Variants in ZNF354C observed in about 807,000 individuals in gnomAD.
ZNF354C encodes zinc finger protein 354C.
ZNF354C carries 7 observed loss-of-function variants against 12.4 expected under a neutral mutation model. That is an observed-to-expected ratio of 0.56 (90% CI 0.32 to 1.06). The LOEUF is 1.06. Ranked by LOEUF, ZNF354C falls within the 50% of genes least tolerant of loss-of-function variation. The pLI is 0.04. For missense variants in ZNF354C, 609 were observed against 658.0 expected (o/e 0.93, Z 0.81); for synonymous variants, 202 against 224.5 (o/e 0.90, Z 0.90).
chr5:179,071,429 G>A (rs2113116325), intron 2 of ZNF354C, among the ~76,000 whole-genome samples: 1 of 145,862 alleles, frequency 6.9e-6, no homozygotes, highest in East Asian at 2.0e-4. Context: ...TGTGCTTCCA[G>A]CTTCTGGTAA....
intron 2 of ZNF354C, 71 bp downstream of exon 2, chr5:179,062,166 G>C: frequency 6.3e-7 from 1 of 1,596,802 alleles, no homozygotes; most frequent in Non-Finnish European, 8.6e-7. Context: ...CATGTTTCCA[G>C]ACTTTGTCCA....
chr5:179,070,015 A>G (rs1413578071), intron 2 of ZNF354C, among the ~76,000 whole-genome samples: 5 of 152,156 alleles, frequency 3.3e-5, no homozygotes, highest in Admixed American at 6.5e-5. Flanking sequence ...AAGGTCTCCA[A>G]CCCCCAGTTT....
intron 2 of ZNF354C, among the ~76,000 whole-genome samples, chr5:179,067,944 A>G (rs1437367263): frequency 1.3e-5 from 2 of 151,792 alleles, no homozygotes; most frequent in Non-Finnish European, 2.9e-5. Flanking sequence ...GGAATGGCTT[A>G]AGGCCAGGAG....
chr5:179,082,809 A>G lies in ZNF354C; in HGVS notation c.*2712A>G. ...CAGGGTGATGTTCTTCAAGCGACTG[A>G]CCAACCGATCAGGTCGAGGAGCTGC... On this transcript the variant is annotated 3_prime_UTR_variant, in exon 5 of 5. Transcript: ENST00000315475. The G allele has an allele frequency of 7.5e-7, 1 of 1,339,680 alleles. No homozygotes were observed. Among genetic ancestry groups the G allele is most frequent in the Non-Finnish European group, 1.1e-6 (1 of 931,002 alleles). 83.0% of individuals were successfully genotyped at this position (1,339,680 alleles called of 1,614,324 possible).
rs189973292 is a variant in ZNF354C, at chr5:179,070,994, G to A, written c.28-5451G>A. 7.9e-3 allele frequency among the ~76,000 whole-genome samples: 1,203 copies of A among 151,694 alleles called. 14 individuals carry two copies. The highest frequency in any genetic ancestry group is 0.027 in the African/African-American group (1,098 of 41,314). Reference sequence around the variant, plus strand: ...CTCCTGAGTAGCTGGGACTACAGGCGCCTGCCACCAAGCCTGGCTAATTTT... The same window carrying A: ...CTCCTGAGTAGCTGGGACTACAGGCACCTGCCACCAAGCCTGGCTAATTTT... On this transcript the variant is annotated intron_variant, in intron 2 of 4. Transcript: ENST00000315475.
chr5:179,078,737 T>C lies in ZNF354C; in HGVS notation c.305T>C (p.Ile102Thr), dbSNP rs1216144354. Reference sequence around the variant, plus strand: ...TTGCCTCATAGACAGGACATTTTTATAGAAGAAACATCTCAGGGAATGGTA... The same window carrying C: ...TTGCCTCATAGACAGGACATTTTTACAGAAGAAACATCTCAGGGAATGGTA... ...EALPHRQDIF[I>T]EETSQGMVKK... The change falls in exon 5 of 5, where the codon ATA becomes ACA. Residue 102 changes from isoleucine (I) to threonine (T), a missense_variant. Transcript: ENST00000315475. The C allele has an allele frequency of 8.1e-6, 13 of 1,612,234 alleles. No homozygotes were observed. The highest frequency in any genetic ancestry group is 1.3e-5 in the African/African-American group (1 of 74,860).
chr5:179,064,104 C>T (rs568363830), intron 2 of ZNF354C, among the ~76,000 whole-genome samples: 1 of 152,334 alleles, frequency 6.6e-6, no homozygotes, highest in Non-Finnish European at 1.5e-5. Flanking sequence ...ACATCCACAG[C>T]AGGAGAGACT....
chr5:179,072,111 C>T (rs1339012995), intron 2 of ZNF354C, among the ~76,000 whole-genome samples: 1 of 151,882 alleles, frequency 6.6e-6, no homozygotes, highest in Non-Finnish European at 1.5e-5. Flanking sequence ...ACCCAGATGA[C>T]CCAGATATTA....
In ZNF354C at chr5:179,083,951, T is replaced by C. The variant is rs1762261313; in HGVS notation, c.*3854T>C. Among the ~76,000 whole-genome samples, 2 of 152,206 alleles carry C rather than the reference T, an allele frequency of 1.3e-5. No individual in the cohort carries two copies. The highest frequency in any genetic ancestry group is 4.8e-5 in the African/African-American group (2 of 41,446). Reference sequence around the variant, plus strand: ...CTCCCCATTGCTTTTCTTCCCTATCTATCTTCCTGCTACTTGGACCTGGAG... The same window carrying C: ...CTCCCCATTGCTTTTCTTCCCTATCCATCTTCCTGCTACTTGGACCTGGAG... On this transcript the variant is annotated 3_prime_UTR_variant, in exon 5 of 5. Coordinates refer to ENST00000315475, the MANE Select transcript of ZNF354C (RefSeq NM_014594.3).
At chr5:179,074,560 C>A (rs1762092499) in intron 2 of ZNF354C, among the ~76,000 whole-genome samples, 1 of 152,186 alleles carries the variant, frequency 6.6e-6, no homozygotes, top group African/African-American at 2.4e-5. Context: ...CTGAGAGTTC[C>A]TCCTTTGAGC....
intron 4 of ZNF354C, 70 bp downstream of exon 4, chr5:179,077,236 T>G: frequency 3.9e-6 from 5 of 1,274,720 alleles, no homozygotes; most frequent in Middle Eastern, 1.8e-4. Flanking sequence ...GAGGCAGTTC[T>G]TGGGAAACTC....
Position 179,082,791 on chromosome 5 carries a change from ATG to A in ZNF354C, c.*2696_*2697del. 1 of 1,359,404 alleles carries A rather than the reference ATG, an allele frequency of 7.4e-7. No individual in the cohort carries two copies. The highest frequency in any genetic ancestry group is 1.1e-6 in the Non-Finnish European group (1 of 949,286). 84.2% of individuals were successfully genotyped at this position (1,359,404 alleles called of 1,614,324 possible). On this transcript the variant is annotated 3_prime_UTR_variant, in exon 5 of 5. Coordinates refer to ENST00000315475, the MANE Select transcript of ZNF354C (RefSeq NM_014594.3). Reference sequence around the variant, plus strand: ...AGGATCACTGGCATCATCCAGGGTGATGTTCTTCAAGCGACTGACCAACCGAT... The same window carrying A: ...AGGATCACTGGCATCATCCAGGGTGATTCTTCAAGCGACTGACCAACCGAT...
At position 179,077,304 on chromosome 5, in the gene ZNF354C, A is replaced by G. The variant is rs1018094957; in HGVS notation, c.250+138A>G. The G allele has an allele frequency of 3.4e-5, 23 of 674,520 alleles. No individual in the cohort carries two copies. The Admixed American group carries it at 3.6e-4, about 11-fold the overall frequency. 41.8% of individuals were successfully genotyped at this position (674,520 alleles called of 1,614,324 possible). A position where few individuals can be genotyped will look rare whatever the true frequency, so the allele number is the denominator to read the frequency against. ...GCCAGTTGTATTTTGTTTGAGTTGTATAGGTTAAAGTACACACAATTACCT... is the reference window on the plus strand; with the variant it reads ...GCCAGTTGTATTTTGTTTGAGTTGTGTAGGTTAAAGTACACACAATTACCT... On this transcript the variant is annotated intron_variant, in intron 4 of 4. Coordinates refer to ENST00000315475, the MANE Select transcript of ZNF354C (RefSeq NM_014594.3).
Position 179,079,278 on chromosome 5 carries a change from C to T in ZNF354C, c.846C>T (p.Ser282=), listed in dbSNP as rs1355214037. 3 of 1,614,102 alleles carry T rather than the reference C, an allele frequency of 1.9e-6. No individual in the cohort carries two copies. The East Asian group carries it at 6.7e-5, about 36-fold the overall frequency. ...YKCNECEKAF[S]NSSTLIKHLR... ...GTAATGAATGTGAGAAGGCATTTAG[C>T]AACAGTTCAACCCTTATCAAACATC... The change falls in exon 5 of 5, where the codon AGC becomes AGT. Residue 282 remains serine, a synonymous_variant. Transcript: ENST00000315475. This position sits in a 1 kb window ranked among gnomAD's most constrained non-coding sequence, Gnocchi z 4.2.
At chr5:179,064,595 T>C (rs997521921) in intron 2 of ZNF354C, among the ~76,000 whole-genome samples, 1 of 151,582 alleles carries the variant, frequency 6.6e-6, no homozygotes, top group African/African-American at 2.4e-5. Context: ...TTTTTTTTTT[T>C]TGTAGAGACG....
intron 2 of ZNF354C, among the ~76,000 whole-genome samples, chr5:179,064,869 A>C (rs1389525458): frequency 6.6e-6 from 1 of 152,150 alleles, no homozygotes; most frequent in African/African-American, 2.4e-5. Context: ...TTGTTAGGAA[A>C]ACTGCAAACA....
intron 2 of ZNF354C, among the ~76,000 whole-genome samples, chr5:179,074,358 C>A (rs1462898918): frequency 6.6e-6 from 1 of 151,020 alleles, no homozygotes; most frequent in Non-Finnish European, 1.5e-5. Context: ...GCACTCCTGA[C>A]CTCAGGTGAT....
At position 179,078,975 on chromosome 5, in the gene ZNF354C, T is replaced by A; in HGVS notation, c.543T>A (p.Val181=). The A allele has an allele frequency of 2.5e-6, 4 of 1,613,958 alleles. No homozygotes were observed. Among genetic ancestry groups the A allele is most frequent in the Non-Finnish European group, 3.4e-6 (4 of 1,179,982 alleles). The change falls in exon 5 of 5, where the codon GTT becomes GTA. Residue 181 remains valine (V), a synonymous_variant. Transcript: ENST00000315475. ...TNTALVTQQS[V]PIERIPNMYY... ...CAGCTCTTGTCACACAACAGAGTGT[T>A]CCTATAGAAAGGATACCCAATATGT...
Position 179,080,042 on chromosome 5 carries a change from C to A in ZNF354C, c.1610C>A (p.Ser537Tyr), listed in dbSNP as rs752348525. ...KEYGKPFICS[S>Y]SLTQYQRFFK... The stretch of plus-strand genomic sequence containing the variant: ...TATGGGAAACCTTTCATCTGCAGCT[C>A]CTCACTTACCCAGTATCAGAGATTT... Residue 537 changes from serine (S) to tyrosine (Y), a missense_variant, in exon 5 of 5, where the codon TCC becomes TAC. By Grantham distance (144) the Ser-to-Tyr change is moderately radical. Coordinates refer to ENST00000315475, the MANE Select transcript of ZNF354C (RefSeq NM_014594.3). 6.2e-7 allele frequency: 1 copy of A among 1,606,450 alleles called. No individual in the cohort carries two copies. The highest frequency in any genetic ancestry group is 1.1e-5 in the South Asian group (1 of 89,638).
Sources: gnomAD v4.1 joint callset for allele counts (sites outside exome capture counted in the v4.1 genomes callset) on GRCh38, gnomAD v4.1.1 for gene constraint, Gnocchi (gnomAD v3.1) non-coding constraint, MANE v1.5 for transcripts, NCBI Gene and HGNC (gene_info 2026-07-23, HGNC 2026-07-21) for gene names.